The following MBD5 variants were observed in gnomAD, a reference collection of about 807,000 sequenced individuals.
MBD5 encodes the protein methyl-CpG binding domain protein 5, also known as methyl-CpG-binding domain protein 5.
A neutral mutation model predicts 117.3 loss-of-function variants in MBD5; 13 were observed. That is an observed-to-expected ratio of 0.11 (90% CI 0.07 to 0.18). MBD5 has a LOEUF of 0.18. Among genes scored for constraint, MBD5 ranks in the 10% least tolerant of loss-of-function variants. MBD5 has a pLI of 1.00. For missense variants in MBD5, 1,879 were observed against 2,093.8 expected (o/e 0.90, Z 2.00); for synonymous variants, 727 against 766.4 (o/e 0.95, Z 0.85).
At chr2:148,356,926 G>T (rs1215706469) in intron 4 of MBD5, among the ~76,000 whole-genome samples, 4 of 151,662 alleles carry the variant, frequency 2.6e-5, no homozygotes, top group Non-Finnish European at 5.9e-5. Flanking sequence ...CTGTGATGAA[G>T]CGTATCCCTT....
intron 3 of MBD5, among the ~76,000 whole-genome samples, chr2:148,330,074 A>T (rs1702599456): frequency 4.6e-4 from 1 of 2,180 alleles, no homozygotes; most frequent in African/African-American, 6.5e-4. Flanking sequence ...ACACTGCCTA[A>T]AGCCCTCCTG....
chr2:148,399,982 C>A (rs10180661), intron 4 of MBD5, among the ~76,000 whole-genome samples: 77,622 of 151,830 alleles, frequency 0.51, 20,151 homozygotes, highest in East Asian at 0.75. Flanking sequence ...GTTGAACCAG[C>A]CTTGCATCCC....
Position 148,218,083 on chromosome 2 carries a change from T to C in MBD5, c.-830-15162T>C, listed in dbSNP as rs868055662. ...ACTAGCGTATTAATACATAATTTAA[T>C]ATCATACAATATAGCCAGTATAGTG... On this transcript the variant is annotated intron_variant, in intron 2 of 13. Transcript: ENST00000642680. Among the ~76,000 whole-genome samples, 10 of 152,346 alleles carry C rather than the reference T, an allele frequency of 6.6e-5. 1 individual carries two copies. In the South Asian group the frequency reaches 2.1e-3, roughly 32 times the overall value.
intron 4 of MBD5, among the ~76,000 whole-genome samples, chr2:148,398,711 A>T (rs541185787): frequency 6.6e-5 from 10 of 152,258 alleles, no homozygotes; most frequent in Non-Finnish European, 1.5e-4. Flanking sequence ...GGTGTTTTAG[A>T]CAGGAAGTCC....
chr2:148,128,546 T>G (rs1289730147), intron 1 of MBD5, among the ~76,000 whole-genome samples: 4 of 152,154 alleles, frequency 2.6e-5, no homozygotes, highest in Admixed American at 2.6e-4. Flanking sequence ...GGACTGTAAA[T>G]GACAGCACAA....
intron 11 of MBD5, among the ~76,000 whole-genome samples, chr2:148,498,681 T>C (rs1305252458): frequency 6.6e-6 from 1 of 152,230 alleles, no homozygotes; most frequent in East Asian, 1.9e-4. Flanking sequence ...TTTCGAGGGT[T>C]GGTTTGGCTC....
intron 3 of MBD5, among the ~76,000 whole-genome samples, chr2:148,332,086 A>G (rs916694127): frequency 1.6e-4 from 24 of 152,098 alleles, no homozygotes; most frequent in African/African-American, 5.6e-4. Context: ...ATATCTCTAA[A>G]TCACATGATT....
chr2:148,068,706 T>A (rs905592460), intron 1 of MBD5: 18 of 152,222 alleles, frequency 1.2e-4, no homozygotes, highest in Non-Finnish European at 4.4e-5. Context: ...TTTTATGTTT[T>A]AGAGACTATC....
chr2:148,314,269 A>G (rs564449877), intron 3 of MBD5, among the ~76,000 whole-genome samples: 1 of 151,770 alleles, frequency 6.6e-6, no homozygotes, highest in Non-Finnish European at 1.5e-5. Flanking sequence ...GGCAAAAGGA[A>G]ATTTTTTTTT....
chr2:148,212,024 C>G (rs1284417314), intron 2 of MBD5, among the ~76,000 whole-genome samples: 1 of 152,196 alleles, frequency 6.6e-6, no homozygotes, highest in Non-Finnish European at 1.5e-5. Context: ...GCTAGGATTA[C>G]AAGCATGAGC....
intron 1 of MBD5, among the ~76,000 whole-genome samples, chr2:148,045,291 A>G (rs1323899096): frequency 2.6e-5 from 4 of 152,200 alleles, no homozygotes; most frequent in African/African-American, 9.6e-5. Flanking sequence ...AACTCAACCA[A>G]GGTTACATGA....
chr2:148,500,827 A>T (rs1681849432), intron 11 of MBD5, among the ~76,000 whole-genome samples: 1 of 152,254 alleles, frequency 6.6e-6, no homozygotes, highest in South Asian at 2.1e-4. Context: ...TATGCAAAGC[A>T]TCTTTCATAT....
intron 3 of MBD5, among the ~76,000 whole-genome samples, chr2:148,339,748 AAAAT>A (rs978652313): frequency 2.0e-5 from 3 of 152,160 alleles, no homozygotes; most frequent in African/African-American, 4.8e-5. Flanking sequence ...CTCTATACAA[AAAAT>A]AAATAAATAA....
chr2:148,336,946 A>G (rs1288613374), intron 3 of MBD5, among the ~76,000 whole-genome samples: 1 of 151,780 alleles, frequency 6.6e-6, no homozygotes, highest in Non-Finnish European at 1.5e-5. Context: ...TGTATTCCTT[A>G]CCCTTCAAAC....
intron 1 of MBD5, among the ~76,000 whole-genome samples, chr2:148,169,533 A>G (rs2105790178): frequency 6.6e-6 from 1 of 152,336 alleles, no homozygotes; most frequent in South Asian, 2.1e-4. Flanking sequence ...AGTAATGGAT[A>G]TAATAAAGGT....
chr2:148,043,608 A>C (rs554018307), intron 1 of MBD5, among the ~76,000 whole-genome samples: 1 of 152,292 alleles, frequency 6.6e-6, no homozygotes, highest in South Asian at 2.1e-4. Flanking sequence ...GGATTACACC[A>C]GTTCTGCCTT....
chr2:148,440,912 C>A (rs913685502), intron 4 of MBD5, among the ~76,000 whole-genome samples: 2 of 152,174 alleles, frequency 1.3e-5, no homozygotes, highest in Non-Finnish European at 1.5e-5. Context: ...AAGGCATTTC[C>A]AAGAAAGTTT....
chr2:148,497,181 A>G (rs1023341167), intron 11 of MBD5, among the ~76,000 whole-genome samples: 7 of 152,010 alleles, frequency 4.6e-5, no homozygotes, highest in Non-Finnish European at 1.5e-5. Flanking sequence ...CATATTACAT[A>G]TATTATTATT....
intron 12 of MBD5, among the ~76,000 whole-genome samples, chr2:148,508,503 T>A (rs1032568422): frequency 2.0e-5 from 3 of 151,890 alleles, no homozygotes; most frequent in African/African-American, 7.3e-5. Flanking sequence ...CCAGGATAGG[T>A]AACAGGGAAC....
Sources: gnomAD v4.1 joint callset for allele counts (sites outside exome capture counted in the v4.1 genomes callset) on GRCh38, gnomAD v4.1.1 for gene constraint, MANE v1.5 for transcripts, NCBI Gene and HGNC (gene_info 2026-07-23, HGNC 2026-07-21) for gene names.